Variants in CCDC85A observed in about 807,000 individuals in gnomAD.
The protein encoded by CCDC85A is coiled-coil domain containing 85A, also known as coiled-coil domain-containing protein 85A.
Under a neutral mutation model 50.2 loss-of-function variants are expected in CCDC85A, and 38 were observed. The observed-to-expected ratio is 0.76, with a 90% CI of 0.58 to 0.99. The LOEUF (loss-of-function observed/expected upper bound fraction) is 0.99. CCDC85A is among the 50% of genes least tolerant of loss of function. CCDC85A has a pLI of 0.00. For synonymous variants in CCDC85A, 366 were observed against 301.4 expected (o/e 1.21, Z -2.22); for missense variants, 820 against 742.0 (o/e 1.11, Z -1.22).
intron 2 of CCDC85A, among the ~76,000 whole-genome samples, chr2:56,220,361 A>G (rs1466776229): frequency 6.6e-6 from 1 of 152,052 alleles, no homozygotes; most frequent in Non-Finnish European, 1.5e-5. Flanking sequence ...AAATGAAGTC[A>G]TGCTTGTGTT....
chr2:56,223,901 A>G (rs913815379), intron 2 of CCDC85A, among the ~76,000 whole-genome samples: 1 of 152,126 alleles, frequency 6.6e-6, no homozygotes, highest in African/African-American at 2.4e-5. Flanking sequence ...TAGGCTGCTA[A>G]CTGGCTTTCC....
chr2:56,313,998 T>G (rs1415287100), intron 2 of CCDC85A, among the ~76,000 whole-genome samples: 1 of 149,798 alleles, frequency 6.7e-6, no homozygotes, highest in African/African-American at 2.5e-5. Context: ...AGGTGAAGTT[T>G]TGGCTGGTGA....
intron 3 of CCDC85A, among the ~76,000 whole-genome samples, chr2:56,359,037 C>A (rs917251786): frequency 6.6e-6 from 1 of 151,516 alleles, no homozygotes; most frequent in Non-Finnish European, 1.5e-5. Flanking sequence ...CTCCTGACCT[C>A]AGGCGATCCA....
At chr2:56,362,278 G>A (rs542297046) in intron 3 of CCDC85A, among the ~76,000 whole-genome samples, 1 of 152,222 alleles carries the variant, frequency 6.6e-6, no homozygotes, top group Non-Finnish European at 1.5e-5. Flanking sequence ...CAGGTTAGGA[G>A]GTGCAGGGGA....
At chr2:56,282,272 C>T (rs1251354576) in intron 2 of CCDC85A, among the ~76,000 whole-genome samples, 4 of 151,990 alleles carry the variant, frequency 2.6e-5, no homozygotes, top group African/African-American at 4.8e-5. Flanking sequence ...TTTGTCTGTC[C>T]TTACATTAAT....
chr2:56,336,164 A>AT (rs35716693), intron 2 of CCDC85A, among the ~76,000 whole-genome samples: 9 of 151,278 alleles, frequency 5.9e-5, no homozygotes, highest in African/African-American at 1.7e-4. Context: ...TTATTTATTT[A>AT]TTTTTTCAGA....
intron 2 of CCDC85A, among the ~76,000 whole-genome samples, chr2:56,300,310 G>T (rs930075564): frequency 2.6e-5 from 4 of 152,206 alleles, no homozygotes; most frequent in African/African-American, 7.2e-5. Context: ...ATTAATATTT[G>T]TTGAATAAGT....
At chr2:56,381,128 T>C (rs1676565782) in intron 5 of CCDC85A, among the ~76,000 whole-genome samples, 1 of 152,088 alleles carries the variant, frequency 6.6e-6, no homozygotes, top group South Asian at 2.1e-4. Context: ...GATTTTTCTC[T>C]TCCCACCCTT....
intron 2 of CCDC85A, among the ~76,000 whole-genome samples, chr2:56,277,552 C>T (rs1671010365): frequency 1.3e-5 from 2 of 152,154 alleles, no homozygotes; most frequent in South Asian, 4.1e-4. Context: ...AGGTCAGTAC[C>T]CTAACTTTGA....
Position 56,385,305 on chromosome 2 carries a change from C to A in CCDC85A, c.*950C>A, listed in dbSNP as rs1573386808. 6.6e-6 allele frequency: 1 copy of A among 152,146 alleles called. No homozygotes were observed. 9.4% of individuals were successfully genotyped at this position (152,146 alleles called of 1,614,324 possible). On this transcript the variant is annotated 3_prime_UTR_variant, in exon 6 of 6. Coordinates refer to ENST00000407595, the MANE Select transcript of CCDC85A (RefSeq NM_001080433.2). ...CATTTATGAAAAAAGCTTTCTTTGC[C>A]TACTGCAGCTATCTAACATTTTATG... is the stretch of plus-strand genomic sequence containing the variant.
intron 3 of CCDC85A, among the ~76,000 whole-genome samples, chr2:56,371,202 T>C (rs1434629221): frequency 6.6e-6 from 1 of 152,130 alleles, no homozygotes; most frequent in East Asian, 1.9e-4. Context: ...GTGACTTATT[T>C]TTATAGGTCA....
chr2:56,363,126 A>G (rs1035157249), intron 3 of CCDC85A, among the ~76,000 whole-genome samples: 1 of 152,204 alleles, frequency 6.6e-6, no homozygotes, highest in African/African-American at 2.4e-5. Context: ...ATAAGAAGGT[A>G]GGGCACAGAT....
At chr2:56,258,333 C>A (rs763092167) in intron 2 of CCDC85A, among the ~76,000 whole-genome samples, 14 of 152,108 alleles carry the variant, frequency 9.2e-5, no homozygotes, top group South Asian at 2.1e-4. Context: ...ATTTAAATCT[C>A]ACTTAAAACC....
At chr2:56,335,312 T>C (rs1050803378) in intron 2 of CCDC85A, among the ~76,000 whole-genome samples, 2 of 152,200 alleles carry the variant, frequency 1.3e-5, no homozygotes, top group African/African-American at 2.4e-5. Flanking sequence ...GGGATTCATA[T>C]GGAATGAGTG....
At chr2:56,272,001 A>G (rs1458201407) in intron 2 of CCDC85A, among the ~76,000 whole-genome samples, 2 of 152,204 alleles carry the variant, frequency 1.3e-5, no homozygotes, top group African/African-American at 4.8e-5. Context: ...GGAGGTGGGT[A>G]GTGAGGAGTG....
chr2:56,273,000 C>T lies in CCDC85A; in HGVS notation c.1241-69879C>T, dbSNP rs551139936. Among the ~76,000 whole-genome samples the T allele has an allele frequency of 1.6e-4, 25 of 152,170 alleles. No individual in the cohort carries two copies. In the South Asian group the frequency reaches 5.2e-3, roughly 32 times the overall value. ...AAGTTAAGATAACCATACTGAATGA[C>T]TTACATTTAGGATGATGTTACATTT... is the stretch of plus-strand genomic sequence containing the variant. On this transcript the variant is annotated intron_variant, in intron 2 of 5. Transcript: ENST00000407595.
chr2:56,358,016 A>G (rs913603323), intron 3 of CCDC85A, among the ~76,000 whole-genome samples: 1 of 152,184 alleles, frequency 6.6e-6, no homozygotes. Context: ...AATGTCACCT[A>G]TTAATGGACA....
At chr2:56,302,303 G>A in intron 2 of CCDC85A, among the ~76,000 whole-genome samples, 1 of 152,028 alleles carries the variant, frequency 6.6e-6, no homozygotes, top group East Asian at 1.9e-4. Context: ...ATCATAAATA[G>A]ATCTGCCTCA....
At chr2:56,351,707 T>C (rs1674952081) in intron 3 of CCDC85A, among the ~76,000 whole-genome samples, 1 of 148,574 alleles carries the variant, frequency 6.7e-6, no homozygotes, top group Non-Finnish European at 1.5e-5. Flanking sequence ...TTGTTTGTTT[T>C]TTTCTTGTCA....
Sources: allele counts gnomAD v4.1 joint callset (sites outside exome capture counted in the v4.1 genomes callset), GRCh38; gene constraint gnomAD v4.1.1; transcripts MANE v1.5; gene names NCBI Gene and HGNC (gene_info 2026-07-23, HGNC 2026-07-21).